Variants in KNTC1 observed in about 807,000 individuals in gnomAD.
KNTC1 encodes the protein kinetochore associated 1.
Under a neutral mutation model 314.4 loss-of-function variants are expected in KNTC1, and 253 were observed. That is an observed-to-expected ratio of 0.80 (90% confidence interval 0.73 to 0.89). The LOEUF (loss-of-function observed/expected upper bound fraction) is 0.89, where lower values mean the gene tolerates loss of function less well. Ranked by LOEUF, KNTC1 falls within the 40% of genes least tolerant of loss-of-function variation. The pLI is 0.00. For missense variants in KNTC1, 2,475 were observed against 2,572.9 expected, an observed-to-expected ratio of 0.96 and a Z score of 0.82; for synonymous variants, 901 against 901.4, an observed-to-expected ratio of 1.00 and a Z score of 0.01.
At chr12:122,621,842 TAAC>T (rs1376353186) in intron 60 of KNTC1, 36 bp from the exon 61 acceptor site, 6 of 1,339,148 alleles carry the variant, frequency 4.5e-6, no homozygotes, top group Non-Finnish European at 6.3e-6. Flanking sequence ...GAATAAATAA[TAAC>T]AATTTTCTAT....
In KNTC1 at chr12:122,562,759, C is replaced by T. The variant is rs142167022; in HGVS notation, c.1604+60C>T. 271 of 1,020,500 alleles carry T rather than the reference C, an allele frequency of 2.7e-4. 2 individuals carry two copies. In the African/African-American group the frequency reaches 3.9e-3, roughly 15 times the overall value. The allele number at this position is 1,020,500 out of a possible 1,614,324, so 63.2% of individuals were successfully genotyped here. A position where few individuals can be genotyped will look rare whatever the true frequency, so the allele number is the denominator to read the frequency against. Reference sequence around the variant, plus strand: ...GCATGGTGTCTCACGCCTGTAATCCCAGCACTTTGGGAGGCTGAGGTGGGC... The same window carrying T: ...GCATGGTGTCTCACGCCTGTAATCCTAGCACTTTGGGAGGCTGAGGTGGGC... On this transcript the variant is annotated intron_variant, in intron 20 of 63. Transcript: ENST00000333479.
At chr12:122,539,880 C>T in intron 5 of KNTC1, 126 bp downstream of exon 5, 1 of 583,740 alleles carries the variant, frequency 1.7e-6, no homozygotes, top group Admixed American at 3.3e-5. Flanking sequence ...CTCCCAGGTT[C>T]AGGCGTCTCC....
At chr12:122,532,830 C>T (rs941984274) in intron 2 of KNTC1, among the ~76,000 whole-genome samples, 1 of 152,178 alleles carries the variant, frequency 6.6e-6, no homozygotes, top group Non-Finnish European at 1.5e-5. Context: ...TGCTAAATGC[C>T]AAATGAACAG....
intron 5 of KNTC1, among the ~76,000 whole-genome samples, chr12:122,540,081 G>A (rs963945089): frequency 6.6e-6 from 1 of 151,980 alleles, no homozygotes; most frequent in Non-Finnish European, 1.5e-5. Flanking sequence ...ACTGCGCCCA[G>A]CCTGAATGAC....
intron 62 of KNTC1, 151 bp from the exon 63 acceptor site, chr12:122,624,447 T>C: frequency 1.9e-6 from 1 of 522,156 alleles, no homozygotes. Context: ...TTTATATTTT[T>C]TGTAGAGACA....
chr12:122,571,573 G>A (rs967300469), intron 24 of KNTC1, among the ~76,000 whole-genome samples: 4 of 151,962 alleles, frequency 2.6e-5, no homozygotes, highest in African/African-American at 9.7e-5. Flanking sequence ...TGCCCAGGTT[G>A]GTCTTGAACT....
intron 4 of KNTC1, 83 bp downstream of exon 4, chr12:122,538,537 T>A: frequency 2.7e-6 from 2 of 749,858 alleles, no homozygotes; most frequent in South Asian, 4.3e-5. Context: ...AAACTATTAC[T>A]TAACATGTGT....
Position 122,534,771 on chromosome 12 carries a change from G to A in KNTC1, c.237G>A (p.Leu79=). Reference sequence around the variant, plus strand: ...ACAGTATTTGTAGATCACTTCAATTGCATCTTGTCTTTGGTAAGTATAATG... The same window carrying A: ...ACAGTATTTGTAGATCACTTCAATTACATCTTGTCTTTGGTAAGTATAATG... ...LLDSICRSLQ[L]HLVFDTEVDV... Residue 79 remains leucine (L), a synonymous_variant, in exon 3 of 64, where the codon TTG becomes TTA. Coordinates refer to ENST00000333479, the MANE Select transcript of KNTC1 (RefSeq NM_014708.6). 34 of 1,612,738 alleles carry A rather than the reference G, an allele frequency of 2.1e-5. No homozygotes were observed. The highest frequency in any genetic ancestry group is 2.8e-5 in the Non-Finnish European group (33 of 1,179,092).
chr12:122,609,494 AT>A, intron 52 of KNTC1, 64 bp downstream of exon 52: 2 of 1,083,228 alleles, frequency 1.8e-6, no homozygotes, highest in South Asian at 1.5e-5. Flanking sequence ...TTACCAGTAC[AT>A]TTTTCAGCAG....
chr12:122,537,735 G>A (rs2137681186), intron 3 of KNTC1, among the ~76,000 whole-genome samples: 1 of 152,066 alleles, frequency 6.6e-6, no homozygotes, highest in East Asian at 1.9e-4. Flanking sequence ...AGCTATTTCT[G>A]TCTTAGAATA....
intron 33 of KNTC1, among the ~76,000 whole-genome samples, chr12:122,581,784 C>T (rs114590229): frequency 1.7e-3 from 261 of 152,256 alleles, no homozygotes; most frequent in African/African-American, 5.9e-3. Context: ...TGTGAGCCAC[C>T]GTGCGTGGAT....
At chr12:122,571,909 A>G (rs1322096956) in intron 24 of KNTC1, among the ~76,000 whole-genome samples, 1 of 151,638 alleles carries the variant, frequency 6.6e-6, no homozygotes, top group Non-Finnish European at 1.5e-5. Context: ...CTGACCTCAG[A>G]TGATCTGCAC....
chr12:122,611,182 A>T (rs928527353), intron 53 of KNTC1: 8 of 355,474 alleles, frequency 2.3e-5, no homozygotes, highest in African/African-American at 1.7e-4. Context: ...GTCAGTCCAC[A>T]TTCCTGAAGC....
At chr12:122,558,600 T>C (rs954619435) in intron 18 of KNTC1, among the ~76,000 whole-genome samples, 3 of 151,706 alleles carry the variant, frequency 2.0e-5, no homozygotes, top group Non-Finnish European at 4.4e-5. Flanking sequence ...CTTAAATGGC[T>C]GGGTGAGGTG....
At position 122,571,071 on chromosome 12, in the gene KNTC1, C is replaced by T. The variant is rs1964649675; in HGVS notation, c.1964C>T (p.Thr655Ile). ...NGLQLAEIFFTAEKTDELGLA... is the reference protein window; with the variant it reads ...NGLQLAEIFFIAEKTDELGLA... The stretch of plus-strand genomic sequence containing the variant: ...CTTCAATTGGCAGAGATATTTTTTA[C>T]AGCAGAAAAAACAGACGAGTTGGGA... Residue 655 changes from threonine to isoleucine, a missense_variant, in exon 24 of 64, where the codon ACA (threonine) becomes ATA (isoleucine). Physicochemically the swap from Thr to Ile is moderately conservative, Grantham distance 89 (BLOSUM62 -1). Transcript: ENST00000333479. 6.2e-7 allele frequency: 1 copy of T among 1,613,650 alleles called. No homozygotes were observed. Among genetic ancestry groups the T allele is most frequent in the Non-Finnish European group, 8.5e-7 (1 of 1,179,736 alleles).
intron 31 of KNTC1, 51 bp downstream of exon 31, chr12:122,577,842 TAATC>T (rs1338483274): frequency 1.8e-4 from 273 of 1,508,400 alleles, no homozygotes; most frequent in Middle Eastern, 1.7e-3. Flanking sequence ...TTATGGCTAT[TAATC>T]AATAGGATAG....
chr12:122,534,548 A>G (rs1961631636), intron 2 of KNTC1, 116 bp from the exon 3 acceptor site: 1 of 972,800 alleles, frequency 1.0e-6, no homozygotes, highest in Non-Finnish European at 1.5e-6. Context: ...GGCTAAAGAA[A>G]AAAAGCCTGT....
chr12:122,603,681 T>C (rs533475134), intron 48 of KNTC1, among the ~76,000 whole-genome samples: 3 of 151,946 alleles, frequency 2.0e-5, no homozygotes, highest in South Asian at 2.1e-4. Context: ...TTAGTAGAGA[T>C]GGGGTTTCAC....
chr12:122,551,396 A>T (rs768253611), intron 14 of KNTC1, 34 bp downstream of exon 14: 2 of 1,578,228 alleles, frequency 1.3e-6, no homozygotes, highest in Admixed American at 3.6e-5. Flanking sequence ...AGTAATAGCT[A>T]TGTTAAATTT....
Sources: allele counts gnomAD v4.1 joint callset (sites outside exome capture counted in the v4.1 genomes callset), GRCh38; gene constraint gnomAD v4.1.1; transcripts MANE v1.5; gene names NCBI Gene and HGNC (gene_info 2026-07-23, HGNC 2026-07-21).